Variants in NEURL1 observed in about 807,000 individuals in gnomAD.
The protein encoded by NEURL1 is E3 ubiquitin-protein ligase NEURL1.
Under a neutral mutation model 41.2 loss-of-function variants are expected in NEURL1, and 26 were observed. That is an observed-to-expected ratio of 0.63 (90% confidence interval 0.46 to 0.87). The LOEUF is 0.87. NEURL1 is among the 40% of genes least tolerant of loss of function. The probability of loss-of-function intolerance (pLI) is 0.00; values close to 1 mark genes in which losing one functional copy is unlikely to be tolerated. For synonymous variants in NEURL1, 400 were observed against 402.3 expected (o/e 0.99, Z 0.07); for missense variants, 761 against 871.1 (o/e 0.87, Z 1.59).
chr10:103,523,703 C>T (rs1043344726), intron 1 of NEURL1, among the ~76,000 whole-genome samples: 2 of 152,108 alleles, frequency 1.3e-5, no homozygotes, highest in African/African-American at 4.8e-5. Context: ...TGCTATTTAT[C>T]TTTCTGTACC....
At chr10:103,525,022 G>C (rs1355438690) in intron 1 of NEURL1, among the ~76,000 whole-genome samples, 2 of 152,020 alleles carry the variant, frequency 1.3e-5, no homozygotes, top group African/African-American at 2.4e-5. Context: ...GATTGCTTTG[G>C]GTGGTATGGT....
Position 103,566,561 on chromosome 10 carries a change from T to C in NEURL1, c.86-4311T>C, listed in dbSNP as rs959437373. On this transcript the variant is annotated intron_variant, in intron 1 of 5. Transcript: ENST00000369780. The surrounding 1 kb of genome is among the most constrained non-coding windows in gnomAD (Gnocchi z 4.2). ...TATGTTCCTTTTTATTGCAGAGTAG[T>C]GATTGCATGGAGCTGCCACATTTTT... 1.3e-5 allele frequency among the ~76,000 whole-genome samples: 2 copies of C among 152,180 alleles called. No homozygotes were observed. Among genetic ancestry groups the C allele is most frequent in the Admixed American group, 6.6e-5 (1 of 15,266 alleles).
chr10:103,555,787 C>A (rs1203154790), intron 1 of NEURL1, among the ~76,000 whole-genome samples: 2 of 152,198 alleles, frequency 1.3e-5, no homozygotes, highest in Admixed American at 1.3e-4. Context: ...GTTTCCCTAC[C>A]CACCTCTCCC....
Position 103,558,265 on chromosome 10 carries a change from T to G in NEURL1, c.86-12607T>G. The G allele has an allele frequency of 5.1e-6, 5 of 978,748 alleles. No individual in the cohort carries two copies. The highest frequency in any genetic ancestry group is 4.9e-6 in the Non-Finnish European group (4 of 824,266). 60.6% of individuals were successfully genotyped at this position (978,748 alleles called of 1,614,324 possible). A position where few individuals can be genotyped will look rare whatever the true frequency, so the allele number is the denominator to read the frequency against. On this transcript the variant is annotated intron_variant, in intron 1 of 5. Coordinates refer to ENST00000369780, the MANE Select transcript of NEURL1 (RefSeq NM_004210.5). The surrounding 1 kb of genome is among the most constrained non-coding windows in gnomAD (Gnocchi z 4.2). Reference sequence around the variant, plus strand: ...TGCGTTAAAGTGAGTGAGGGGAGGGTGACAGGAGGACCCAGGACTCTGTAT... The same window carrying G: ...TGCGTTAAAGTGAGTGAGGGGAGGGGGACAGGAGGACCCAGGACTCTGTAT...
At chr10:103,562,018 A>G (rs1449821942) in intron 1 of NEURL1, among the ~76,000 whole-genome samples, 1 of 152,242 alleles carries the variant, frequency 6.6e-6, no homozygotes, top group Non-Finnish European at 1.5e-5. Flanking sequence ...ATCAAACACT[A>G]GCAATTCATT....
At chr10:103,520,287 C>T (rs777439925) in intron 1 of NEURL1, among the ~76,000 whole-genome samples, 10 of 151,916 alleles carry the variant, frequency 6.6e-5, no homozygotes, top group Non-Finnish European at 1.0e-4. Context: ...TGGGTGCAGG[C>T]GGGCTGAGTC....
At chr10:103,537,395 T>C (rs1476215515) in intron 1 of NEURL1, among the ~76,000 whole-genome samples, 1 of 152,098 alleles carries the variant, frequency 6.6e-6, no homozygotes, top group South Asian at 2.1e-4. Context: ...CTCCCTCCTC[T>C]CGCACTCTTA....
chr10:103,494,588 T>C, intron 1 of NEURL1, 116 bp downstream of exon 1: 1 of 920,312 alleles, frequency 1.1e-6, no homozygotes, highest in Non-Finnish European at 1.6e-6. Context: ...AGGCCGGAGA[T>C]GCACCTCTGG....
chr10:103,500,122 C>T lies in NEURL1; in HGVS notation c.85+5650C>T, dbSNP rs1049708336. On this transcript the variant is annotated intron_variant, in intron 1 of 5. Transcript: ENST00000369780. The stretch of plus-strand genomic sequence containing the variant: ...GTGGCCTCCTCAGAGTGACTGGCTG[C>T]GTCAGCCCCGTGTTGAACCCAGAGC... Among the ~76,000 whole-genome samples the T allele has an allele frequency of 4.6e-5, 7 of 152,172 alleles. No homozygotes were observed. The East Asian group carries it at 7.7e-4, about 17-fold the overall frequency.
chr10:103,550,291 G>A (rs760736672), intron 1 of NEURL1, among the ~76,000 whole-genome samples: 1 of 152,176 alleles, frequency 6.6e-6, no homozygotes, highest in Non-Finnish European at 1.5e-5. Context: ...GAGATGGCAG[G>A]GAAAAGAGGG....
chr10:103,522,379 G>GGACCAATCATCTCAGGTC (rs2034369648), intron 1 of NEURL1, among the ~76,000 whole-genome samples: 1 of 151,750 alleles, frequency 6.6e-6, no homozygotes, highest in African/African-American at 2.4e-5. Flanking sequence ...AAGCCGAGGT[G>GGACCAATCATCTCAGGTC]AGCGGGTCAC....
Position 103,558,169 on chromosome 10 carries a change from C to G in NEURL1, c.86-12703C>G. 6 of 985,368 alleles carry G rather than the reference C, an allele frequency of 6.1e-6. No individual in the cohort carries two copies. The highest frequency in any genetic ancestry group is 7.2e-6 in the Non-Finnish European group (6 of 829,944). The allele number at this position is 985,368 out of a possible 1,614,324, so 61.0% of individuals were successfully genotyped here. On this transcript the variant is annotated intron_variant, in intron 1 of 5. Transcript: ENST00000369780. The surrounding 1 kb of genome is among the most constrained non-coding windows in gnomAD (Gnocchi z 4.2). Reference sequence around the variant, plus strand: ...CTGGGTTTACAGGTGTGAGCCACCGCGCTTGGCTGATTGTATTTTCTTTAG... The same window carrying G: ...CTGGGTTTACAGGTGTGAGCCACCGGGCTTGGCTGATTGTATTTTCTTTAG...
rs2035202767 is a variant in NEURL1 at position 103,558,291 on chromosome 10, G to T, written c.86-12581G>T. The stretch of plus-strand genomic sequence containing the variant: ...GACAGGAGGACCCAGGACTCTGTAT[G>T]TGTGTCGGGGGTCATCTAATTGTGT... On this transcript the variant is annotated intron_variant, in intron 1 of 5. Coordinates refer to ENST00000369780, the MANE Select transcript of NEURL1 (RefSeq NM_004210.5). The surrounding 1 kb of genome is among the most constrained non-coding windows in gnomAD (Gnocchi z 4.2). The T allele has an allele frequency of 6.2e-6, 6 of 970,956 alleles. No homozygotes were observed. The highest frequency in any genetic ancestry group is 3.5e-5 in the African/African-American group (2 of 56,938). 60.1% of individuals were successfully genotyped at this position (970,956 alleles called of 1,614,324 possible).
At chr10:103,579,882 CAGTG>C (rs113225627) in intron 3 of NEURL1, among the ~76,000 whole-genome samples, 1,986 of 152,236 alleles carry the variant, frequency 0.013, 47 homozygotes, top group African/African-American at 0.043. Context: ...GCAGAGGATG[CAGTG>C]AGTGAGCCTA....
At chr10:103,589,982 C>G in intron 5 of NEURL1, 152 bp from the exon 6 acceptor site, 1 of 847,540 alleles carries the variant, frequency 1.2e-6, no homozygotes, top group Admixed American at 1.9e-5. Context: ...AGCTCAGCCT[C>G]TTCCCTTGTG....
chr10:103,571,450 C>T (rs1198843511), intron 2 of NEURL1, 51 bp from the exon 3 acceptor site: 10 of 1,542,106 alleles, frequency 6.5e-6, no homozygotes, highest in Admixed American at 1.8e-5. Flanking sequence ...TGCCCTTGGT[C>T]TGATTGACCA....
chr10:103,528,952 A>G (rs999356987), intron 1 of NEURL1, among the ~76,000 whole-genome samples: 1 of 152,208 alleles, frequency 6.6e-6, no homozygotes, highest in Non-Finnish European at 1.5e-5. Context: ...AGATTTTTAT[A>G]TTACCTATTT....
At chr10:103,559,922 C>A (rs747024093) in intron 1 of NEURL1, among the ~76,000 whole-genome samples, 1 of 151,704 alleles carries the variant, frequency 6.6e-6, no homozygotes, top group African/African-American at 2.4e-5. Flanking sequence ...CACACATGCA[C>A]ACACATATTA....
At position 103,590,575 on chromosome 10, in the gene NEURL1, A is replaced by T. The variant is rs2036020119; in HGVS notation, c.*203A>T. 2 of 590,014 alleles carry T rather than the reference A, an allele frequency of 3.4e-6. No homozygotes were observed. Among genetic ancestry groups the T allele is most frequent in the Admixed American group, 3.0e-5 (1 of 33,698 alleles). The allele number at this position is 590,014 out of a possible 1,614,324, so 36.5% of individuals were successfully genotyped here. ...GGGGCAGAGGCAAATCACCGGGCAG[A>T]GGGAGGGGAGGAGAGGAGGCCGCAC... is the stretch of plus-strand genomic sequence containing the variant. On this transcript the variant is annotated 3_prime_UTR_variant, in exon 6 of 6. Coordinates refer to ENST00000369780, the MANE Select transcript of NEURL1 (RefSeq NM_004210.5).
Sources: gnomAD v4.1 joint callset for allele counts (sites outside exome capture counted in the v4.1 genomes callset) on GRCh38, gnomAD v4.1.1 for gene constraint, Gnocchi (gnomAD v3.1) non-coding constraint, MANE v1.5 for transcripts, NCBI Gene and HGNC (gene_info 2026-07-23, HGNC 2026-07-21) for gene names.